The following ACTR8 variants were observed in gnomAD, a reference collection of about 807,000 sequenced individuals.
ACTR8 encodes the protein actin-related protein 8.
Under a neutral mutation model 84.3 loss-of-function variants are expected in ACTR8, and 70 were observed. The observed-to-expected ratio is 0.83, with a 90% CI of 0.68 to 1.01. The LOEUF (loss-of-function observed/expected upper bound fraction) is 1.01, where lower values mean the gene tolerates loss of function less well. Ranked by LOEUF, ACTR8 falls within the 50% of genes least tolerant of loss-of-function variation. The pLI, the probability that ACTR8 is intolerant of heterozygous loss-of-function variation, is 0.00. For synonymous variants in ACTR8, 268 were observed against 275.2 expected (o/e 0.97, Z 0.26); for missense variants, 672 against 775.4 (o/e 0.87, Z 1.58).
intron 7 of ACTR8, among the ~76,000 whole-genome samples, chr3:53,875,390 G>GC (rs1351817583): frequency 6.6e-6 from 1 of 152,196 alleles, no homozygotes; most frequent in African/African-American, 2.4e-5. Context: ...GCCCATACCT[G>GC]CATTACCTGA....
downstream of ACTR8, among the ~76,000 whole-genome samples, chr3:53,866,447 CT>C (rs139793031): frequency 2.0e-5 from 3 of 152,206 alleles, no homozygotes; most frequent in East Asian, 5.8e-4. Flanking sequence ...TGTCTTCCAA[CT>C]TTTTACTCTT....
chr3:53,874,305 C>G lies in ACTR8; in HGVS notation c.971G>C (p.Arg324Pro), dbSNP rs1351632479. ...GCATTCTCTGTAAGGGAACCCAGCT[C>G]GCTGCATTAGCCAGTAAAAACATCT... ...VSRCFYWLMQ[R>P]AGFPYRECQL... is the part of the protein sequence containing the mutation. The change falls in exon 8 of 13, where the codon CGA becomes CCA. Residue 324 changes from arginine (R) to proline (P), a missense_variant. Physicochemically the swap from Arg to Pro is moderately radical, Grantham distance 103 (BLOSUM62 -2). Transcript: ENST00000335754. The G allele has an allele frequency of 6.2e-7, 1 of 1,614,154 alleles. No individual in the cohort carries two copies. Among genetic ancestry groups the G allele is most frequent in the Non-Finnish European group, 8.5e-7 (1 of 1,180,028 alleles).
At chr3:53,863,249 AT>A (rs1699632892), downstream of ACTR8, among the ~76,000 whole-genome samples, 2 of 152,132 alleles carry the variant, frequency 1.3e-5, no homozygotes, top group Admixed American at 1.3e-4. Context: ...GTTATAGGAG[AT>A]TTTCAACTGC....
chr3:53,876,853 A>G, intron 5 of ACTR8, 140 bp from the exon 6 acceptor site: 1 of 491,582 alleles, frequency 2.0e-6, no homozygotes, highest in Non-Finnish European at 3.6e-6. Flanking sequence ...CCTCTGTACT[A>G]TCCTTTGGGT....
downstream of ACTR8, chr3:53,864,664 G>A (rs1699714634): frequency 2.9e-6 from 3 of 1,042,150 alleles, no homozygotes; most frequent in Non-Finnish European, 4.2e-6. Flanking sequence ...TCTAGCAAGG[G>A]ATCATTTGTC....
At chr3:53,859,320 G>A in the ACTR8 span, 5 of 152,728 alleles carry the variant, frequency 3.3e-5, no homozygotes, top group African/African-American at 9.6e-5. Flanking sequence ...AGTTAGAGAT[G>A]TGTTAGCTTT....
chr3:53,878,497 A>C, intron 2 of ACTR8, 30 bp from the exon 3 acceptor site: 3 of 1,340,376 alleles, frequency 2.2e-6, no homozygotes, highest in Non-Finnish European at 3.2e-6. Flanking sequence ...TGAGCAGTAC[A>C]AAGGATTTAA....
chr3:53,879,151 G>A (rs1342613936), intron 2 of ACTR8, among the ~76,000 whole-genome samples: 1 of 152,110 alleles, frequency 6.6e-6, no homozygotes, highest in Non-Finnish European at 1.5e-5. Context: ...TTACAGAAAT[G>A]TTTTCTTTTG....
the ACTR8 span, chr3:53,860,310 C>T: frequency 8.8e-6 from 10 of 1,133,722 alleles, no homozygotes; most frequent in Non-Finnish European, 9.1e-6. Flanking sequence ...CCTCTGGAGG[C>T]AATCACATGT....
intron 1 of ACTR8, 92 bp downstream of exon 1, chr3:53,881,887 G>A (rs1700068025): frequency 4.6e-6 from 7 of 1,534,542 alleles, no homozygotes; most frequent in Non-Finnish European, 6.1e-6. Flanking sequence ...GCCTGCAAGG[G>A]GGACTCGAAG....
In ACTR8 at chr3:53,874,334, C is replaced by T; in HGVS notation, c.942G>A (p.Val314=). The change falls in exon 8 of 13, where the codon GTG becomes GTA. Residue 314 remains valine, a synonymous_variant. Transcript: ENST00000335754. The part of the protein sequence containing the change: ...RLCLAYGGSD[V]SRCFYWLMQR... ...GCATTAGCCAGTAAAAACATCTTGA[C>T]ACATCAGATCCTCCGTATGCCAGAC... 6.2e-7 allele frequency: 1 copy of T among 1,614,098 alleles called. No homozygotes were observed. Among genetic ancestry groups the T allele is most frequent in the Non-Finnish European group, 8.5e-7 (1 of 1,180,004 alleles).
chr3:53,875,268 G>A (rs185195276), intron 7 of ACTR8, among the ~76,000 whole-genome samples: 9 of 152,296 alleles, frequency 5.9e-5, no homozygotes, highest in East Asian at 1.9e-4. Flanking sequence ...TCTCATGGAC[G>A]ATTTAAGCCC....
At position 53,868,393 on chromosome 3, in the gene ACTR8, C is replaced by T. The variant is rs1305019682; in HGVS notation, c.*326G>A. The T allele has an allele frequency of 4.3e-6, 1 of 232,734 alleles. No homozygotes were observed. The highest frequency in any genetic ancestry group is 5.5e-5 in the Admixed American group (1 of 18,168). 14.4% of individuals were successfully genotyped at this position (232,734 alleles called of 1,614,324 possible). A position where few individuals can be genotyped will look rare whatever the true frequency, so the allele number is the denominator to read the frequency against. On this transcript the variant is annotated 3_prime_UTR_variant, in exon 13 of 13. Transcript: ENST00000335754. ...AGGCTGCCTGCTGATGAGATTCAAG[C>T]CAACTTAAATGAAGGGCTTCACCAC...
chr3:53,874,298 C>T lies in ACTR8; in HGVS notation c.978G>A (p.Gly326=), dbSNP rs1330296662. Residue 326 remains glycine (G), a synonymous_variant, in exon 8 of 13, where the codon GGG becomes GGA. Coordinates refer to ENST00000335754, the MANE Select transcript of ACTR8 (RefSeq NM_022899.5). The stretch of plus-strand genomic sequence containing the variant: ...TTAACTGGCATTCTCTGTAAGGGAA[C>T]CCAGCTCGCTGCATTAGCCAGTAAA... ...RCFYWLMQRA[G]FPYRECQLTN... The T allele has an allele frequency of 3.7e-6, 6 of 1,614,148 alleles. No individual in the cohort carries two copies. The highest frequency in any genetic ancestry group is 1.1e-5 in the South Asian group (1 of 91,082).
intron 1 of ACTR8, chr3:53,881,778 T>C (rs1700065181): frequency 1.2e-6 from 1 of 811,438 alleles, no homozygotes; most frequent in South Asian, 1.8e-5. Context: ...GGGCTCCGCC[T>C]GGCTCCTGGC....
At chr3:53,859,682 G>A in the ACTR8 span, 607 of 154,004 alleles carry the variant, frequency 3.9e-3, 6 homozygotes, top group East Asian at 0.045. Context: ...CTGTGAAAAT[G>A]CCGGTGCATA....
chr3:53,876,222 T>C (rs1699965786), intron 6 of ACTR8, 142 bp from the exon 7 acceptor site: 2 of 1,122,234 alleles, frequency 1.8e-6, no homozygotes, highest in African/African-American at 1.6e-5. Flanking sequence ...GAATAAGCAT[T>C]TAAATAAGTC....
At position 53,882,057 on chromosome 3, in the gene ACTR8, C is replaced by G; in HGVS notation, c.45G>C (p.Lys15Asn). ...GCTGCTCCTTCTCCTTCTCGCCGCC[C>G]TTCTCCTTTCCGTTCTCCGTATCAC... Reference protein sequence around the residue: ...EKGDTENGKEKGGEKEKEQRG... With the variant: ...EKGDTENGKENGGEKEKEQRG... The change falls in exon 1 of 13, where the codon AAG becomes AAC. Residue 15 changes from lysine (K) to asparagine (N), a missense_variant. Coordinates refer to ENST00000335754, the MANE Select transcript of ACTR8 (RefSeq NM_022899.5). The G allele has an allele frequency of 1.9e-6, 3 of 1,551,678 alleles. No individual in the cohort carries two copies. Among genetic ancestry groups the G allele is most frequent in the Non-Finnish European group, 1.7e-6 (2 of 1,146,868 alleles).
At position 53,876,108 on chromosome 3, in the gene ACTR8, A is replaced by G. The variant is rs755248768; in HGVS notation, c.779-28T>C. 1.9e-6 allele frequency: 3 copies of G among 1,612,804 alleles called. 1 individual carries two copies. Among genetic ancestry groups the G allele is most frequent in the Admixed American group, 3.3e-5 (2 of 59,702 alleles). Reference sequence around the variant, plus strand: ...GGGGGGGGAAAAGAAAAGGCAGAGTAGTCATTAGCTGTAGCACGGTAAAGA... The same window carrying G: ...GGGGGGGGAAAAGAAAAGGCAGAGTGGTCATTAGCTGTAGCACGGTAAAGA... On this transcript the variant is annotated intron_variant, in intron 6 of 12. Coordinates refer to ENST00000335754, the MANE Select transcript of ACTR8 (RefSeq NM_022899.5).
Sources: allele counts gnomAD v4.1 joint callset (sites outside exome capture counted in the v4.1 genomes callset), GRCh38; gene constraint gnomAD v4.1.1; transcripts MANE v1.5; gene names NCBI Gene and HGNC (gene_info 2026-07-23, HGNC 2026-07-21).